Variants in UBE2E1 observed in about 807,000 individuals in gnomAD.
UBE2E1 encodes ubiquitin conjugating enzyme E2 E1.
UBE2E1 carries 6 observed loss-of-function variants against 21.4 expected under a neutral mutation model. The ratio of observed to expected loss-of-function variants is 0.28; its 90% CI spans 0.15 to 0.55. The LOEUF is 0.55. Among genes scored for constraint, UBE2E1 ranks in the 20% least tolerant of loss-of-function variants. The pLI, the probability that UBE2E1 is intolerant of heterozygous loss-of-function variation, is 0.93. For missense variants in UBE2E1, 142 were observed against 236.5 expected (o/e 0.60, Z 2.62); for synonymous variants, 87 against 82.7 (o/e 1.05, Z -0.28).
chr3:23,851,832 T>G (rs2125307756), intron 3 of UBE2E1, among the ~76,000 whole-genome samples: 1 of 152,180 alleles, frequency 6.6e-6, no homozygotes, highest in East Asian at 1.9e-4. Flanking sequence ...CTGTACAGTT[T>G]GGATGTTTGT....
At chr3:23,812,152 A>G (rs1428547713) in intron 3 of UBE2E1, among the ~76,000 whole-genome samples, 1 of 152,146 alleles carries the variant, frequency 6.6e-6, no homozygotes, top group Non-Finnish European at 1.5e-5. Context: ...TCACAGCTTT[A>G]TTTAGAGAAG....
rs1181028212 is a variant in UBE2E1 at position 23,816,340 on chromosome 3, A to G, written c.203+4830A>G. On this transcript the variant is annotated intron_variant, in intron 3 of 5. Transcript: ENST00000306627. This position sits in a 1 kb window ranked among gnomAD's most constrained non-coding sequence, Gnocchi z 4.8. Reference sequence around the variant, plus strand: ...TGGATAAACAAAATTTGGTTAATCTATAAACTGGAATATTCATCTATAAAA... The same window carrying G: ...TGGATAAACAAAATTTGGTTAATCTGTAAACTGGAATATTCATCTATAAAA... Among the ~76,000 whole-genome samples, 22 of 152,174 alleles carry G rather than the reference A, an allele frequency of 1.4e-4. No homozygotes were observed. The highest frequency in any genetic ancestry group is 1.2e-3 in the Admixed American group (19 of 15,284).
At chr3:23,844,435 A>G (rs957988530) in intron 3 of UBE2E1, among the ~76,000 whole-genome samples, 7 of 152,194 alleles carry the variant, frequency 4.6e-5, no homozygotes, top group Non-Finnish European at 1.0e-4. Flanking sequence ...GAACAGCCAC[A>G]TAGTATTCCA....
chr3:23,846,653 G>GCCGCTGCAGTGAGCTGAGATCGTA (rs1700210138), intron 3 of UBE2E1, among the ~76,000 whole-genome samples: 1 of 133,956 alleles, frequency 7.5e-6, no homozygotes, highest in Admixed American at 8.9e-5. Flanking sequence ...CTGAGATCGT[G>GCCGCTGCAGTGAGCTGAGATCGTA]CCACTGCACT....
chr3:23,841,327 C>T (rs1700079355), intron 3 of UBE2E1, among the ~76,000 whole-genome samples: 2 of 151,468 alleles, frequency 1.3e-5, no homozygotes, highest in Admixed American at 1.3e-4. Context: ...GCCATATCAG[C>T]TGAACTGTGT....
At chr3:23,874,329 C>G (rs753003723) in intron 3 of UBE2E1, among the ~76,000 whole-genome samples, 2 of 152,148 alleles carry the variant, frequency 1.3e-5, no homozygotes, top group Non-Finnish European at 2.9e-5. Flanking sequence ...GAGGTGTTAA[C>G]AATACGTTCT....
chr3:23,884,915 A>G (rs73825177), intron 3 of UBE2E1, among the ~76,000 whole-genome samples: 4,321 of 152,266 alleles, frequency 0.028, 214 homozygotes, highest in African/African-American at 0.1. Context: ...CCCCTGTATT[A>G]GTGTTATTTT....
In UBE2E1 at chr3:23,810,025, C is replaced by T. The variant is rs974521197; in HGVS notation, c.153-1435C>T. On this transcript the variant is annotated intron_variant, in intron 2 of 5. Transcript: ENST00000306627. This position sits in a 1 kb window ranked among gnomAD's most constrained non-coding sequence, Gnocchi z 5.8. ...CCAGTAGGAAGGTTTATAGAACCTCCCCCAGTCGTCGTCCTTAAAACCTGT... is the reference window on the plus strand; with the variant it reads ...CCAGTAGGAAGGTTTATAGAACCTCTCCCAGTCGTCGTCCTTAAAACCTGT... 1.3e-5 allele frequency among the ~76,000 whole-genome samples: 2 copies of T among 152,164 alleles called. No individual in the cohort carries two copies. Among genetic ancestry groups the T allele is most frequent in the Non-Finnish European group, 2.9e-5 (2 of 68,014 alleles).
At chr3:23,856,128 G>C (rs1022462256) in intron 3 of UBE2E1, among the ~76,000 whole-genome samples, 1 of 152,144 alleles carries the variant, frequency 6.6e-6, no homozygotes, top group Non-Finnish European at 1.5e-5. Flanking sequence ...CTGGGTTCAA[G>C]CAATTCTCCT....
At chr3:23,865,538 G>A (rs1389716516) in intron 3 of UBE2E1, among the ~76,000 whole-genome samples, 1 of 152,006 alleles carries the variant, frequency 6.6e-6, no homozygotes, top group Non-Finnish European at 1.5e-5. Context: ...TATTTTTTTA[G>A]AGATGAGGTC....
intron 3 of UBE2E1, among the ~76,000 whole-genome samples, chr3:23,835,590 T>TAATGTATACTTTTA (rs57623114): frequency 0.75 from 113,969 of 151,722 alleles, 43,278 homozygotes; most frequent in African/African-American, 0.8. Context: ...ACCAAGGAAG[T>TAATGTATACTTTTA]AATGTATACT....
At chr3:23,880,947 T>C (rs1253757787) in intron 3 of UBE2E1, among the ~76,000 whole-genome samples, 2 of 152,248 alleles carry the variant, frequency 1.3e-5, no homozygotes, top group East Asian at 1.9e-4. Context: ...CAAAAGTTAC[T>C]ACCAGTTGAT....
intron 3 of UBE2E1, among the ~76,000 whole-genome samples, chr3:23,857,564 C>T (rs1373685011): frequency 1.3e-5 from 2 of 152,124 alleles, no homozygotes; most frequent in Non-Finnish European, 2.9e-5. Flanking sequence ...TGTCGAGTCA[C>T]GTTACACTGA....
At chr3:23,822,768 T>C (rs1489406372) in intron 3 of UBE2E1, among the ~76,000 whole-genome samples, 4 of 152,218 alleles carry the variant, frequency 2.6e-5, no homozygotes, top group African/African-American at 4.8e-5. Context: ...TGGATATATG[T>C]ATTTACTTTT....
rs1015002595 is a variant in UBE2E1 at position 23,857,730 on chromosome 3, C to T, written c.204-29837C>T. On this transcript the variant is annotated intron_variant, in intron 3 of 5. Transcript: ENST00000306627. ...AACTCCAAGAGCTGTTGTGCTCTGC[C>T]TCTTTATGAACCTTCTGTGCTTATG... 2.0e-5 allele frequency among the ~76,000 whole-genome samples: 3 copies of T among 152,216 alleles called. No individual in the cohort carries two copies. In the South Asian group the frequency reaches 6.2e-4, roughly 31 times the overall value.
intron 3 of UBE2E1, among the ~76,000 whole-genome samples, chr3:23,821,788 G>A (rs1203571178): frequency 6.6e-6 from 1 of 152,214 alleles, no homozygotes; most frequent in Admixed American, 6.5e-5. Flanking sequence ...TGGCAGGGGA[G>A]ATGAGGGCAG....
At position 23,854,509 on chromosome 3, in the gene UBE2E1, T is replaced by G. The variant is rs530556972; in HGVS notation, c.204-33058T>G. On this transcript the variant is annotated intron_variant, in intron 3 of 5. Transcript: ENST00000306627. ...TGTCCCTTCGGGTCCATCCTTGGCC[T>G]GAAGCCTTCTCATGGCCTTTTTGAT... Among the ~76,000 whole-genome samples the G allele has an allele frequency of 2.0e-4, 30 of 152,364 alleles. No individual in the cohort carries two copies. In the East Asian group the frequency reaches 5.8e-3, roughly 29 times the overall value.
intron 3 of UBE2E1, among the ~76,000 whole-genome samples, chr3:23,864,322 C>T (rs1559488895): frequency 6.6e-6 from 1 of 151,878 alleles, no homozygotes; most frequent in Non-Finnish European, 1.5e-5. Flanking sequence ...ATGTACTGTG[C>T]CTTTTCAATG....
At chr3:23,877,522 G>C (rs1700941601) in intron 3 of UBE2E1, among the ~76,000 whole-genome samples, 1 of 152,172 alleles carries the variant, frequency 6.6e-6, no homozygotes. Context: ...CTATCCACCA[G>C]ATGCCATTAG....
Sources: allele counts gnomAD v4.1 joint callset (sites outside exome capture counted in the v4.1 genomes callset), GRCh38; gene constraint gnomAD v4.1.1; non-coding constraint Gnocchi (gnomAD v3.1); transcripts MANE v1.5; gene names NCBI Gene and HGNC (gene_info 2026-07-23, HGNC 2026-07-21).